KCNJ6: variants seen among roughly 807,000 people sequenced by gnomAD.
The protein encoded by KCNJ6 is G protein-activated inward rectifier potassium channel 2.
KCNJ6 carries 9 observed loss-of-function variants against 34.2 expected under a neutral mutation model. The ratio of observed to expected loss-of-function variants is 0.26; its 90% CI spans 0.16 to 0.46. The LOEUF (loss-of-function observed/expected upper bound fraction) is 0.46. Among genes scored for constraint, KCNJ6 ranks in the 20% least tolerant of loss-of-function variants. KCNJ6 has a pLI of 1.00. For synonymous variants in KCNJ6, 196 were observed against 207.1 expected (o/e 0.95, Z 0.46); for missense variants, 236 against 531.3 (o/e 0.44, Z 5.46).
chr21:37,744,255 A>G (rs2054955840), intron 2 of KCNJ6, among the ~76,000 whole-genome samples: 1 of 151,942 alleles, frequency 6.6e-6, no homozygotes, highest in South Asian at 2.1e-4. Flanking sequence ...TGGCACATGT[A>G]TACATATGTA....
chr21:37,843,088 C>T (rs952767090), intron 1 of KCNJ6, among the ~76,000 whole-genome samples: 3 of 152,244 alleles, frequency 2.0e-5, no homozygotes, highest in Admixed American at 6.5e-5. Context: ...AAACCATAGG[C>T]GTCCAGATTC....
intron 3 of KCNJ6, among the ~76,000 whole-genome samples, chr21:37,683,724 C>CGGTG (rs1408194351): frequency 1.3e-5 from 2 of 152,112 alleles, no homozygotes; most frequent in Non-Finnish European, 2.9e-5. Context: ...CACAGAGTTC[C>CGGTG]GGTGTGGGGA....
At chr21:37,830,993 T>C (rs1040960659) in intron 2 of KCNJ6, among the ~76,000 whole-genome samples, 2 of 151,762 alleles carry the variant, frequency 1.3e-5, no homozygotes, top group African/African-American at 2.4e-5. Flanking sequence ...AACTACAGGA[T>C]CAAGAAAGTC....
chr21:37,894,798 A>G (rs2055779976), intron 1 of KCNJ6, among the ~76,000 whole-genome samples: 1 of 152,264 alleles, frequency 6.6e-6, no homozygotes, highest in Non-Finnish European at 1.5e-5. Flanking sequence ...TTTTAGGGAA[A>G]AAAAGCACCA....
intron 3 of KCNJ6, among the ~76,000 whole-genome samples, chr21:37,646,678 A>ATT (rs60702932): frequency 0.15 from 16,481 of 108,092 alleles, 1,339 homozygotes; most frequent in South Asian, 0.31. Flanking sequence ...AATTATTTTT[A>ATT]TTTTTTTTTT....
At chr21:37,773,172 T>C (rs1196514897) in intron 2 of KCNJ6, among the ~76,000 whole-genome samples, 1 of 152,198 alleles carries the variant, frequency 6.6e-6, no homozygotes, top group African/African-American at 2.4e-5. Context: ...CTTGAACTCA[T>C]GTTGCCTACC....
chr21:37,625,042 A>G lies in KCNJ6; in HGVS notation c.*117T>C. The G allele has an allele frequency of 1.2e-6, 1 of 805,320 alleles. No individual in the cohort carries two copies. Among genetic ancestry groups the G allele is most frequent in the Non-Finnish European group, 2.0e-6 (1 of 500,554 alleles). 49.9% of individuals were successfully genotyped at this position (805,320 alleles called of 1,614,324 possible). On this transcript the variant is annotated 3_prime_UTR_variant, in exon 4 of 4. Coordinates refer to ENST00000609713, the MANE Select transcript of KCNJ6 (RefSeq NM_002240.5). ...TTGAAGATTTGTTTTCTGGTCATGT[A>G]AAAATTAAATATAAACAAATAAAGA...
At chr21:37,706,194 C>G (rs114621155) in intron 3 of KCNJ6, among the ~76,000 whole-genome samples, 2 of 152,144 alleles carry the variant, frequency 1.3e-5, no homozygotes, top group Non-Finnish European at 2.9e-5. Flanking sequence ...TAGGGAAATG[C>G]AATCTAATAC....
At chr21:37,748,563 T>C (rs759738852) in intron 2 of KCNJ6, among the ~76,000 whole-genome samples, 24 of 152,188 alleles carry the variant, frequency 1.6e-4, no homozygotes, top group Non-Finnish European at 2.6e-4. Flanking sequence ...TGAAGGATTC[T>C]GGTGATAGGA....
intron 2 of KCNJ6, among the ~76,000 whole-genome samples, chr21:37,835,558 A>G (rs2055447496): frequency 6.6e-6 from 1 of 152,238 alleles, no homozygotes; most frequent in African/African-American, 2.4e-5. Flanking sequence ...AAAGTATTCC[A>G]TGCAGACCAT....
chr21:37,862,650 TAGTC>T (rs1158621542), intron 1 of KCNJ6, among the ~76,000 whole-genome samples: 1 of 152,302 alleles, frequency 6.6e-6, no homozygotes, highest in Non-Finnish European at 1.5e-5. Context: ...CCTGTGTAGA[TAGTC>T]AGAGAAATAT....
rs541520404 is a variant in KCNJ6, at chr21:37,886,286, G to A, written c.-28+29598C>T. ...AGAGGCCTGGGTCATGTTTAATGCT[G>A]GACTAGAGTATGCAGCTGCTCACTC... On this transcript the variant is annotated intron_variant, in intron 1 of 3. Coordinates refer to ENST00000609713, the MANE Select transcript of KCNJ6 (RefSeq NM_002240.5). 6.1e-4 allele frequency among the ~76,000 whole-genome samples: 93 copies of A among 152,234 alleles called. 1 individual carries two copies. In the South Asian group the frequency reaches 0.012, roughly 20 times the overall value.
chr21:37,742,001 G>C (rs1297017476), intron 2 of KCNJ6, among the ~76,000 whole-genome samples: 1 of 152,212 alleles, frequency 6.6e-6, no homozygotes, highest in Non-Finnish European at 1.5e-5. Context: ...AGGCAGGGGA[G>C]TGAGAAAGCT....
intron 3 of KCNJ6, among the ~76,000 whole-genome samples, chr21:37,700,860 G>A (rs2054687162): frequency 6.6e-6 from 1 of 152,142 alleles, no homozygotes; most frequent in South Asian, 2.1e-4. Flanking sequence ...GATGCCTTTT[G>A]CTCATTTGCA....
At chr21:37,683,209 A>G (rs1448018423) in intron 3 of KCNJ6, among the ~76,000 whole-genome samples, 2 of 152,212 alleles carry the variant, frequency 1.3e-5, no homozygotes, top group African/African-American at 2.4e-5. Context: ...AAATTCACAC[A>G]TAAGCACAAA....
chr21:37,778,450 T>A (rs1196473225), intron 2 of KCNJ6, among the ~76,000 whole-genome samples: 2 of 145,172 alleles, frequency 1.4e-5, no homozygotes, highest in African/African-American at 4.8e-5. Flanking sequence ...CTTATACTTT[T>A]TTTTGTATTT....
chr21:37,771,092 G>C (rs988348991), intron 2 of KCNJ6, among the ~76,000 whole-genome samples: 3 of 152,176 alleles, frequency 2.0e-5, no homozygotes, highest in African/African-American at 7.2e-5. Context: ...TTTATTTGGC[G>C]AGTAAGTGTG....
chr21:37,876,568 T>C (rs1021293026), intron 1 of KCNJ6, among the ~76,000 whole-genome samples: 3 of 152,004 alleles, frequency 2.0e-5, no homozygotes, highest in Admixed American at 6.5e-5. Context: ...AGTGCATATA[T>C]GTTCTGTCCT....
chr21:37,667,198 C>T (rs1024637664), intron 3 of KCNJ6, among the ~76,000 whole-genome samples: 12 of 101,556 alleles, frequency 1.2e-4, no homozygotes, highest in Admixed American at 5.8e-4. Context: ...AATGAGGCAA[C>T]GCAGGCAAAG....
Sources: gnomAD v4.1 joint callset for allele counts (sites outside exome capture counted in the v4.1 genomes callset) on GRCh38, gnomAD v4.1.1 for gene constraint, MANE v1.5 for transcripts, NCBI Gene and HGNC (gene_info 2026-07-23, HGNC 2026-07-21) for gene names.